The following STON2 variants were observed in gnomAD, a reference collection of about 807,000 sequenced individuals.
STON2 encodes the protein stonin 2, also known as stonin-2.
A neutral mutation model predicts 65.7 loss-of-function variants in STON2; 29 were observed. The ratio of observed to expected loss-of-function variants is 0.44; its 90% CI spans 0.33 to 0.60. The LOEUF is 0.60. Ranked by LOEUF, STON2 falls within the 20% of genes least tolerant of loss-of-function variation. The pLI is 0.03. For missense variants in STON2, 1,054 were observed against 1,118.1 expected, an observed-to-expected ratio of 0.94 and a Z score of 0.82; for synonymous variants, 404 against 414.2, an observed-to-expected ratio of 0.98 and a Z score of 0.30.
At chr14:81,287,620 C>T (rs1422234561) in intron 5 of STON2, among the ~76,000 whole-genome samples, 2 of 152,150 alleles carry the variant, frequency 1.3e-5, no homozygotes, top group Non-Finnish European at 2.9e-5. Context: ...CTCAGAAAAG[C>T]AAGCATCAGA....
intron 4 of STON2, among the ~76,000 whole-genome samples, chr14:81,367,467 A>G (rs1898790034): frequency 6.6e-6 from 1 of 152,172 alleles, no homozygotes. Flanking sequence ...ACGAGCCACC[A>G]TGCCTGGACA....
intron 5 of STON2, among the ~76,000 whole-genome samples, chr14:81,313,790 G>A (rs191316074): frequency 8.5e-6 from 1 of 117,278 alleles, no homozygotes; most frequent in Non-Finnish European, 1.7e-5. Context: ...GAGAGACTCC[G>A]TCTCAAAAAA....
At chr14:81,405,797 G>T (rs1409011628) in intron 2 of STON2, among the ~76,000 whole-genome samples, 2 of 152,080 alleles carry the variant, frequency 1.3e-5, no homozygotes, top group East Asian at 3.9e-4. Flanking sequence ...CAACTTGATT[G>T]GACTGAAGGA....
intron 2 of STON2, among the ~76,000 whole-genome samples, chr14:81,412,606 T>A (rs113351894): frequency 7.2e-6 from 1 of 138,942 alleles, no homozygotes; most frequent in Non-Finnish European, 1.5e-5. Flanking sequence ...GTTTACCAGG[T>A]ATGAAGATTC....
chr14:81,330,145 G>A (rs1393066634), intron 4 of STON2, among the ~76,000 whole-genome samples: 1 of 152,182 alleles, frequency 6.6e-6, no homozygotes, highest in African/African-American at 2.4e-5. Context: ...ATGCTCCTTA[G>A]CACTCCCCTG....
intron 4 of STON2, among the ~76,000 whole-genome samples, chr14:81,363,979 G>A (rs774352982): frequency 4.6e-5 from 7 of 152,120 alleles, no homozygotes; most frequent in Non-Finnish European, 1.0e-4. Context: ...CAGCCCAGGC[G>A]ATGATCTTAT....
chr14:81,384,015 A>G (rs1169280014), intron 3 of STON2, among the ~76,000 whole-genome samples: 1 of 151,834 alleles, frequency 6.6e-6, no homozygotes, highest in African/African-American at 2.4e-5. Flanking sequence ...GTGCCCCTCA[A>G]GGGCTATTCA....
At chr14:81,295,504 A>G (rs559653324) in intron 5 of STON2, among the ~76,000 whole-genome samples, 10 of 152,338 alleles carry the variant, frequency 6.6e-5, no homozygotes, top group African/African-American at 2.4e-4. Context: ...TCTCCTAAAT[A>G]CCAAAAGAAC....
chr14:81,403,150 T>C (rs1187624605), upstream of STON2, among the ~76,000 whole-genome samples: 1 of 152,252 alleles, frequency 6.6e-6, no homozygotes. Context: ...TGTTTTTTAA[T>C]ATACTTTGTC....
intron 5 of STON2, among the ~76,000 whole-genome samples, chr14:81,318,216 G>A (rs1044632036): frequency 3.3e-5 from 5 of 152,072 alleles, no homozygotes; most frequent in South Asian, 2.1e-4. Context: ...TGCCAGCCTC[G>A]GCCACTCAAA....
intron 5 of STON2, among the ~76,000 whole-genome samples, chr14:81,302,948 T>C (rs1247299410): frequency 1.3e-5 from 2 of 152,178 alleles, no homozygotes; most frequent in Non-Finnish European, 2.9e-5. Context: ...ATCTATAGTT[T>C]GGAGGGGCAG....
At chr14:81,427,810 C>A (rs1902056185) in intron 1 of STON2, among the ~76,000 whole-genome samples, 4 of 152,146 alleles carry the variant, frequency 2.6e-5, no homozygotes, top group Admixed American at 2.6e-4. Context: ...TTCCTCCTAC[C>A]AGGCATCTCC....
At chr14:81,300,070 C>A (rs1369207558) in intron 5 of STON2, among the ~76,000 whole-genome samples, 1 of 151,668 alleles carries the variant, frequency 6.6e-6, no homozygotes, top group African/African-American at 2.4e-5. Context: ...TATAAAGTTT[C>A]AGTAATTAAG....
intron 3 of STON2, among the ~76,000 whole-genome samples, chr14:81,381,972 C>A (rs2140397403): frequency 6.6e-6 from 1 of 152,260 alleles, no homozygotes; most frequent in East Asian, 1.9e-4. Flanking sequence ...GTAATCCCAG[C>A]ACTTTGGGAG....
At chr14:81,302,980 C>A (rs1896025089) in intron 5 of STON2, among the ~76,000 whole-genome samples, 2 of 151,836 alleles carry the variant, frequency 1.3e-5, no homozygotes, top group African/African-American at 4.8e-5. Context: ...AAAATATTTG[C>A]TGAGTTGATT....
rs2046540541 is a variant in STON2, at chr14:81,265,875, T to A, written c.*2539A>T. The A allele has an allele frequency of 2.0e-5, 20 of 985,348 alleles. No homozygotes were observed. Among genetic ancestry groups the A allele is most frequent in the Non-Finnish European group, 2.3e-5 (19 of 829,912 alleles). 61.0% of individuals were successfully genotyped at this position (985,348 alleles called of 1,614,324 possible). The stretch of plus-strand genomic sequence containing the variant: ...TATGCTAGCAGATGAGGCAGAGATC[T>A]TGACAGAGTGCTAAGCGTGAGTGAC... On this transcript the variant is annotated 3_prime_UTR_variant, in exon 8 of 8. Coordinates refer to ENST00000614646, the MANE Select transcript of STON2 (RefSeq NM_001394390.1).
At chr14:81,326,714 G>GA (rs1439011159) in intron 4 of STON2, among the ~76,000 whole-genome samples, 2 of 152,168 alleles carry the variant, frequency 1.3e-5, no homozygotes, top group Non-Finnish European at 2.9e-5. Context: ...TCATTTCTTA[G>GA]AAAAACTGTC....
At chr14:81,328,294 CTATT>C (rs1324223691) in intron 4 of STON2, among the ~76,000 whole-genome samples, 1 of 152,004 alleles carries the variant, frequency 6.6e-6, no homozygotes, top group Admixed American at 6.6e-5. Context: ...AAATAGAAGT[CTATT>C]AATTAAATGT....
chr14:81,378,787 A>C (rs1899376212), intron 3 of STON2, among the ~76,000 whole-genome samples: 1 of 152,254 alleles, frequency 6.6e-6, no homozygotes, highest in Non-Finnish European at 1.5e-5. Flanking sequence ...AACATTAGAA[A>C]ATCAATTAAT....
Sources: allele counts gnomAD v4.1 joint callset (sites outside exome capture counted in the v4.1 genomes callset), GRCh38; gene constraint gnomAD v4.1.1; transcripts MANE v1.5; gene names NCBI Gene and HGNC (gene_info 2026-07-23, HGNC 2026-07-21).